Variants in AKT1 observed in about 807,000 individuals in gnomAD.
The protein encoded by AKT1 is AKT serine/threonine kinase 1, also known as RAC-alpha serine/threonine-protein kinase.
AKT1 carries 21 observed loss-of-function variants against 63.1 expected under a neutral mutation model. The observed-to-expected ratio is 0.33, with a 90% CI of 0.24 to 0.48. The LOEUF (loss-of-function observed/expected upper bound fraction) is 0.48. Among genes scored for constraint, AKT1 ranks in the 20% least tolerant of loss-of-function variants. AKT1 has a pLI of 0.99. For synonymous variants in AKT1, 257 were observed against 253.1 expected (o/e 1.02, Z -0.15); for missense variants, 382 against 666.0 (o/e 0.57, Z 4.69).
chr14:104,790,421 G>A (rs930540898), intron 3 of AKT1, among the ~76,000 whole-genome samples: 7 of 152,172 alleles, frequency 4.6e-5, no homozygotes, highest in African/African-American at 1.7e-4. Context: ...GCCCTGCTAG[G>A]GACAGGAAGG....
chr14:104,775,080 G>A lies in AKT1; in HGVS notation c.563C>T (p.Ala188Val), dbSNP rs2140916355. Reference protein sequence around the residue: ...MKILKKEVIVAKDEVAHTLTE... With the variant: ...MKILKKEVIVVKDEVAHTLTE... ...GCCCCACCGCCCCGGCCCCACCTTG[G>A]CCACGATGACTTCCTTCTTGAGGAT... Residue 188 changes from alanine (A) to valine (V), a missense_variant, in exon 7 of 15, where the codon GCC (alanine) becomes GTC (valine). Physicochemically the swap from Ala to Val is moderately conservative, Grantham distance 64 (BLOSUM62 0). Around this residue, in one of 3 missense-constraint regions of AKT1, gnomAD observed 226 missense variants for 366.4 expected, o/e 0.62. Transcript: ENST00000649815. The A allele has an allele frequency of 6.2e-7, 1 of 1,613,916 alleles. No individual in the cohort carries two copies. Among genetic ancestry groups the A allele is most frequent in the Non-Finnish European group, 8.5e-7 (1 of 1,180,016 alleles).
intron 3 of AKT1, among the ~76,000 whole-genome samples, chr14:104,791,031 C>T (rs1893601793): frequency 6.6e-6 from 1 of 152,176 alleles, no homozygotes. Context: ...TCAGCAGCAG[C>T]CTGAAAATCA....
intron 12 of AKT1, 94 bp downstream of exon 12, chr14:104,772,784 T>A: frequency 7.6e-7 from 1 of 1,320,350 alleles, no homozygotes; most frequent in South Asian, 1.4e-5. Flanking sequence ...CAGTGTAGTC[T>A]GGGAGGTGCC....
intron 5 of AKT1, chr14:104,776,267 C>T (rs1228583157): frequency 4.9e-6 from 1 of 204,030 alleles, no homozygotes; most frequent in East Asian, 1.4e-4. Context: ...GTGCCTCAGC[C>T]TCCCAAGTAG....
intron 13 of AKT1, 35 bp from the exon 14 acceptor site, chr14:104,770,882 T>C (rs764632008): frequency 3.8e-6 from 6 of 1,589,054 alleles, no homozygotes; most frequent in Non-Finnish European, 5.2e-6. Context: ...GTCATGAGCT[T>C]CGCTCCCCAC....
Position 104,774,874 on chromosome 14 carries a change from A to C in AKT1, c.633+64T>G. Reference sequence around the variant, plus strand: ...CCAAGAAGACAGGACATCGTCCCCTAGAGACAGCCCCAGGAGTCGCTACCT... The same window carrying C: ...CCAAGAAGACAGGACATCGTCCCCTCGAGACAGCCCCAGGAGTCGCTACCT... On this transcript the variant is annotated intron_variant, in intron 8 of 14. Transcript: ENST00000649815. The C allele has an allele frequency of 1.9e-6, 3 of 1,539,604 alleles. No individual in the cohort carries two copies. The South Asian group carries it at 3.5e-5, about 18-fold the overall frequency.
intron 3 of AKT1, among the ~76,000 whole-genome samples, chr14:104,787,267 C>A (rs1893381119): frequency 6.6e-6 from 1 of 152,160 alleles, no homozygotes; most frequent in African/African-American, 2.4e-5. Flanking sequence ...AAGTAAGGGG[C>A]CTAGGGTTCG....
chr14:104,776,860 T>C lies in AKT1; in HGVS notation c.176-90A>G, dbSNP rs1892744724. ...CCCCCGCTGCACCAGCCAGCTCCCC[T>C]TGCATACCACCCACCAGGTCCTGGG... On this transcript the variant is annotated intron_variant, in intron 4 of 14. Transcript: ENST00000649815. The C allele has an allele frequency of 2.8e-6, 3 of 1,056,560 alleles. No individual in the cohort carries two copies. The African/African-American group carries it at 4.7e-5, about 17-fold the overall frequency. The allele number at this position is 1,056,560 out of a possible 1,614,324, so 65.4% of individuals were successfully genotyped here.
chr14:104,780,238 G>A (rs551039065), intron 3 of AKT1, 22 bp from the exon 4 acceptor site: 50 of 1,611,862 alleles, frequency 3.1e-5, no homozygotes, highest in Non-Finnish European at 4.2e-5. Context: ...CGGGTGGTGA[G>A]AGCCACGCAC....
At chr14:104,779,503 G>C (rs1010142339) in intron 4 of AKT1, among the ~76,000 whole-genome samples, 1 of 152,208 alleles carries the variant, frequency 6.6e-6, no homozygotes, top group South Asian at 2.1e-4. Context: ...AGGGGCCCCC[G>C]GGGCAGCTGT....
Position 104,772,461 on chromosome 14 carries a change from A to G in AKT1, c.1173-9T>C. Reference sequence around the variant, plus strand: ...CGGAGCCCCCGCCAAGCCTGCAGGCAGGAAACAAGGCCACAGTGTCGGTAC... The same window carrying G: ...CGGAGCCCCCGCCAAGCCTGCAGGCGGGAAACAAGGCCACAGTGTCGGTAC... On this transcript the variant is annotated splice_polypyrimidine_tract_variant and intron_variant, in intron 12 of 14. Coordinates refer to ENST00000649815, the MANE Select transcript of AKT1 (RefSeq NM_001382430.1). 6.2e-7 allele frequency: 1 copy of G among 1,613,504 alleles called. No individual in the cohort carries two copies. The highest frequency in any genetic ancestry group is 8.5e-7 in the Non-Finnish European group (1 of 1,179,944).
At chr14:104,780,878 G>A (rs1327567919) in intron 3 of AKT1, among the ~76,000 whole-genome samples, 3 of 152,230 alleles carry the variant, frequency 2.0e-5, no homozygotes, top group African/African-American at 4.8e-5. Flanking sequence ...GGGGACTGCC[G>A]ATGAAGCCAG....
chr14:104,784,430 C>T (rs1317041878), intron 3 of AKT1, among the ~76,000 whole-genome samples: 1 of 152,240 alleles, frequency 6.6e-6, no homozygotes, highest in East Asian at 1.9e-4. Flanking sequence ...CAGGCTCCCT[C>T]GACTCCTCCT....
At chr14:104,772,245 C>T (rs980584620) in intron 13 of AKT1, 120 bp downstream of exon 13, 4 of 1,087,204 alleles carry the variant, frequency 3.7e-6, no homozygotes, top group Non-Finnish European at 5.5e-6. Flanking sequence ...ACCAGGACTG[C>T]AGCAGGCTCC....
intron 3 of AKT1, among the ~76,000 whole-genome samples, chr14:104,781,014 C>T (rs1893005777): frequency 1.3e-5 from 2 of 152,206 alleles, no homozygotes; most frequent in Admixed American, 6.5e-5. Flanking sequence ...GTGGGTCATT[C>T]AGGTACACGG....
At chr14:104,777,651 G>A (rs992515345) in intron 4 of AKT1, 4 of 986,730 alleles carry the variant, frequency 4.1e-6, no homozygotes, top group Non-Finnish European at 4.8e-6. Flanking sequence ...AGTGAGTGGA[G>A]TGTGTAGCCG....
chr14:104,780,749 G>A (rs1196584887), intron 3 of AKT1, among the ~76,000 whole-genome samples: 6 of 152,034 alleles, frequency 3.9e-5, no homozygotes. Context: ...CAGGAGGATG[G>A]AGCATGGCGT....
At chr14:104,787,234 G>A (rs998222274) in intron 3 of AKT1, among the ~76,000 whole-genome samples, 6 of 152,188 alleles carry the variant, frequency 3.9e-5, no homozygotes, top group Non-Finnish European at 8.8e-5. Context: ...TGGCAGGGAA[G>A]GGAACTCCCG....
In AKT1 at chr14:104,775,062, C is replaced by T. The variant is rs3730345; in HGVS notation, c.567+14G>A. On this transcript the variant is annotated intron_variant, in intron 7 of 14. Coordinates refer to ENST00000649815, the MANE Select transcript of AKT1 (RefSeq NM_001382430.1). ...CACCCTCATCTCCACCCTGCCCCAC[C>T]GCCCCGGCCCCACCTTGGCCACGAT... is the stretch of plus-strand genomic sequence containing the variant. 3,909 of 1,613,656 alleles carry T rather than the reference C, an allele frequency of 2.4e-3. 63 individuals carry two copies. The African/African-American group carries it at 0.044, about 18-fold the overall frequency.
Sources: allele counts gnomAD v4.1 joint callset (sites outside exome capture counted in the v4.1 genomes callset), GRCh38; gene constraint gnomAD v4.1.1; regional missense constraint gnomAD v4.1.1; transcripts MANE v1.5; gene names NCBI Gene and HGNC (gene_info 2026-07-23, HGNC 2026-07-21).